CRTC3: variants seen among roughly 807,000 people sequenced by gnomAD.
CRTC3 encodes the protein CREB-regulated transcription coactivator 3.
A neutral mutation model predicts 74.5 loss-of-function variants in CRTC3; 26 were observed. That is an observed-to-expected ratio of 0.35 (90% CI 0.26 to 0.48). The LOEUF (loss-of-function observed/expected upper bound fraction) is 0.48. Among genes scored for constraint, CRTC3 ranks in the 20% least tolerant of loss-of-function variants. The probability of loss-of-function intolerance (pLI) is 0.99; values close to 1 mark genes in which losing one functional copy is unlikely to be tolerated. For synonymous variants in CRTC3, 377 were observed against 325.8 expected (o/e 1.16, Z -1.69); for missense variants, 760 against 787.3 (o/e 0.97, Z 0.41).
intron 2 of CRTC3, among the ~76,000 whole-genome samples, chr15:90,571,603 T>C (rs1302989972): frequency 6.6e-6 from 1 of 152,194 alleles, no homozygotes; most frequent in African/African-American, 2.4e-5. Flanking sequence ...ATTCATTTGC[T>C]TGCCTGCTTG....
At chr15:90,557,742 C>T (rs1327662762) in intron 2 of CRTC3, among the ~76,000 whole-genome samples, 1 of 152,154 alleles carries the variant, frequency 6.6e-6, no homozygotes, top group African/African-American at 2.4e-5. Context: ...AGGACCCAGC[C>T]TGAACTGAGG....
intron 2 of CRTC3, among the ~76,000 whole-genome samples, chr15:90,542,939 T>C (rs896758182): frequency 2.0e-5 from 3 of 152,140 alleles, no homozygotes; most frequent in Admixed American, 6.5e-5. Context: ...GAGGCTGTTA[T>C]GGTATCACAT....
At chr15:90,593,478 C>A (rs529956067) in intron 2 of CRTC3, among the ~76,000 whole-genome samples, 158 bp from the exon 3 acceptor site, 1 of 152,162 alleles carries the variant, frequency 6.6e-6, no homozygotes, top group Non-Finnish European at 1.5e-5. Context: ...AGAAATAGTT[C>A]CATATACTAC....
intron 1 of CRTC3, among the ~76,000 whole-genome samples, chr15:90,532,953 C>T (rs1173704443): frequency 6.6e-6 from 1 of 151,046 alleles, no homozygotes; most frequent in African/African-American, 2.4e-5. Flanking sequence ...GGCATGGTGG[C>T]GTGCGCCTGT....
intron 2 of CRTC3, among the ~76,000 whole-genome samples, chr15:90,568,044 T>C (rs1024427307): frequency 7.9e-5 from 12 of 152,216 alleles, no homozygotes; most frequent in Admixed American, 7.9e-4. Flanking sequence ...AGAGTTTAGA[T>C]GAAGTTGCTT....
intron 4 of CRTC3, among the ~76,000 whole-genome samples, chr15:90,602,751 A>G (rs1356257285): frequency 6.6e-6 from 1 of 152,086 alleles, no homozygotes; most frequent in African/African-American, 2.4e-5. Context: ...TGAGGCGGGC[A>G]GATCACAAGG....
At chr15:90,579,796 C>T (rs1414305211) in intron 2 of CRTC3, among the ~76,000 whole-genome samples, 19 of 152,010 alleles carry the variant, frequency 1.2e-4, no homozygotes, top group Admixed American at 1.2e-3. Flanking sequence ...CACCCGCCAC[C>T]ATGCCCAGCT....
In CRTC3 at chr15:90,617,980, G is replaced by A. The variant is rs755295040; in HGVS notation, c.699+12G>A. The stretch of plus-strand genomic sequence containing the variant: ...GGGAGACCAAGGAGGTGGGTGAACA[G>A]TACTCAGCTATGTTTGTTGTCACTG... On this transcript the variant is annotated intron_variant, in intron 8 of 14. Transcript: ENST00000268184. The A allele has an allele frequency of 4.1e-5, 64 of 1,547,656 alleles. No individual in the cohort carries two copies. The highest frequency in any genetic ancestry group is 5.5e-5 in the Non-Finnish European group (62 of 1,119,704).
At chr15:90,555,542 G>C (rs550414422) in intron 2 of CRTC3, among the ~76,000 whole-genome samples, 1 of 151,992 alleles carries the variant, frequency 6.6e-6, no homozygotes, top group South Asian at 2.1e-4. Flanking sequence ...TTTTGAGATG[G>C]AGTCTTGCTC....
At position 90,642,224 on chromosome 15, in the gene CRTC3, C is replaced by G; in HGVS notation, c.*84C>G. 1 of 1,135,404 alleles carries G rather than the reference C, an allele frequency of 8.8e-7. No homozygotes were observed. The highest frequency in any genetic ancestry group is 1.9e-5 in the Admixed American group (1 of 51,760). The allele number at this position is 1,135,404 out of a possible 1,614,324, so 70.3% of individuals were successfully genotyped here. A position where few individuals can be genotyped will look rare whatever the true frequency, so the allele number is the denominator to read the frequency against. ...GAATGAAGCCAGCTGATACCACGGG[C>G]TTTCGTTATCTTGACATAGAAGGAA... On this transcript the variant is annotated 3_prime_UTR_variant, in exon 15 of 15. Coordinates refer to ENST00000268184, the MANE Select transcript of CRTC3 (RefSeq NM_022769.5).
chr15:90,640,477 G>T (rs1021563957), intron 13 of CRTC3, among the ~76,000 whole-genome samples: 2 of 152,092 alleles, frequency 1.3e-5, no homozygotes, highest in Non-Finnish European at 2.9e-5. Context: ...CTTGAACTCA[G>T]GAGTTTGAGA....
chr15:90,562,543 G>A (rs1017629979), intron 2 of CRTC3, among the ~76,000 whole-genome samples: 2 of 152,068 alleles, frequency 1.3e-5, no homozygotes, highest in South Asian at 2.1e-4. Context: ...GATAGATGCC[G>A]TTTTCTAGTC....
At position 90,639,804 on chromosome 15, in the gene CRTC3, T is replaced by C. The variant is rs1315595306; in HGVS notation, c.1548+989T>C. ...GGCTCACGCCTGTAATCCCAGCAGT[T>C]TGGGAGGCCGAGGCGGGCGGATCAT... On this transcript the variant is annotated intron_variant, in intron 13 of 14. Transcript: ENST00000268184. Among the ~76,000 whole-genome samples the C allele has an allele frequency of 2.0e-5, 3 of 149,754 alleles. No homozygotes were observed. The East Asian group carries it at 6.1e-4, about 31-fold the overall frequency.
At chr15:90,551,007 C>T (rs1308408496) in intron 2 of CRTC3, among the ~76,000 whole-genome samples, 1 of 152,124 alleles carries the variant, frequency 6.6e-6, no homozygotes, top group Non-Finnish European at 1.5e-5. Flanking sequence ...ATGAGATGAA[C>T]AAAGCACCGA....
At chr15:90,638,938 C>T in intron 13 of CRTC3, 123 bp downstream of exon 13, 1 of 838,620 alleles carries the variant, frequency 1.2e-6, no homozygotes, top group Non-Finnish European at 1.9e-6. Context: ...TGGTTGTGTT[C>T]TGTGGCTAGA....
At chr15:90,602,573 A>T (rs1393992783) in intron 4 of CRTC3, among the ~76,000 whole-genome samples, 188 bp downstream of exon 4, 2 of 152,152 alleles carry the variant, frequency 1.3e-5, no homozygotes, top group Non-Finnish European at 2.9e-5. Context: ...GTGTGCGATG[A>T]TGGGGCCTGT....
At chr15:90,601,185 C>T (rs1310535084) in intron 3 of CRTC3, among the ~76,000 whole-genome samples, 1 of 152,142 alleles carries the variant, frequency 6.6e-6, no homozygotes, top group East Asian at 1.9e-4. Context: ...AAACAGCGCC[C>T]CTCTGCTCGG....
chr15:90,601,385 C>G (rs1017809243), intron 3 of CRTC3, among the ~76,000 whole-genome samples: 1 of 152,126 alleles, frequency 6.6e-6, no homozygotes, highest in Non-Finnish European at 1.5e-5. Flanking sequence ...CGCAGTGGCT[C>G]ACACCTCTAA....
chr15:90,644,402 A>G lies in CRTC3; in HGVS notation c.*2262A>G, dbSNP rs900462309. ...GTCTCAGCATAGTCACTCTTCACAT[A>G]GTGCCTTACCCATGGGTATCGTCAT... On this transcript the variant is annotated 3_prime_UTR_variant, in exon 15 of 15. Coordinates refer to ENST00000268184, the MANE Select transcript of CRTC3 (RefSeq NM_022769.5). 1 of 230,798 alleles carries G rather than the reference A, an allele frequency of 4.3e-6. No homozygotes were observed. The highest frequency in any genetic ancestry group is 8.6e-6 in the Non-Finnish European group (1 of 116,594). The allele number at this position is 230,798 out of a possible 1,614,324, so 14.3% of individuals were successfully genotyped here.
Sources: gnomAD v4.1 joint callset for allele counts (sites outside exome capture counted in the v4.1 genomes callset) on GRCh38, gnomAD v4.1.1 for gene constraint, MANE v1.5 for transcripts, NCBI Gene and HGNC (gene_info 2026-07-23, HGNC 2026-07-21) for gene names.